NGEF: variants seen among roughly 807,000 people sequenced by gnomAD.
NGEF encodes the protein ephexin-1.
Under a neutral mutation model 80.9 loss-of-function variants are expected in NGEF, and 31 were observed. The ratio of observed to expected loss-of-function variants is 0.38; its 90% CI spans 0.29 to 0.52. NGEF has a LOEUF of 0.52. NGEF is among the 20% of genes least tolerant of loss of function. The pLI is 0.84. For missense variants in NGEF, 709 were observed against 926.2 expected, an observed-to-expected ratio of 0.77 and a Z score of 3.04; for synonymous variants, 371 against 370.2, an observed-to-expected ratio of 1.00 and a Z score of -0.03.
At chr2:232,931,005 G>A (rs527522166) in intron 3 of NGEF, among the ~76,000 whole-genome samples, 3 of 152,310 alleles carry the variant, frequency 2.0e-5, no homozygotes, top group Admixed American at 1.3e-4. Context: ...TTCCAGCTGT[G>A]AATGTGTGAA....
At chr2:232,916,932 C>G (rs1182357974) in intron 5 of NGEF, among the ~76,000 whole-genome samples, 1 of 152,246 alleles carries the variant, frequency 6.6e-6, no homozygotes, top group African/African-American at 2.4e-5. Context: ...ACCCCATACT[C>G]TCTGCTACCC....
In NGEF at chr2:232,892,868, GC is replaced by G. The variant is rs1296360893; in HGVS notation, c.1142+29del. The G allele has an allele frequency of 6.2e-7, 1 of 1,606,388 alleles. No homozygotes were observed. Among genetic ancestry groups the G allele is most frequent in the Non-Finnish European group, 8.5e-7 (1 of 1,175,566 alleles). On this transcript the variant is annotated intron_variant, in intron 7 of 14. Transcript: ENST00000264051. This position sits in a 1 kb window ranked among gnomAD's most constrained non-coding sequence, Gnocchi z 4.0. ...ATGGCTGCCCCGGGCACCTCCCCCT[GC>G]CCCTGAGCCCCTTGCCGGATACACT...
chr2:232,986,669 A>G (rs1694538525), intron 1 of NGEF, among the ~76,000 whole-genome samples: 1 of 152,230 alleles, frequency 6.6e-6, no homozygotes, highest in Non-Finnish European at 1.5e-5. Flanking sequence ...AACTCTTAGA[A>G]GCAGAGAGTA....
intron 3 of NGEF, among the ~76,000 whole-genome samples, chr2:232,968,402 A>ATT (rs1221310898): frequency 1.0e-4 from 15 of 150,394 alleles, no homozygotes; most frequent in African/African-American, 3.7e-4. Context: ...CCTGGCTTTT[A>ATT]TTTTATTTTA....
intron 1 of NGEF, among the ~76,000 whole-genome samples, chr2:232,982,890 G>C (rs899399502): frequency 6.6e-6 from 1 of 152,244 alleles, no homozygotes; most frequent in African/African-American, 2.4e-5. Flanking sequence ...AGGAGACACA[G>C]ATGAAGTTTC....
Position 232,920,555 on chromosome 2 carries a change from G to A in NGEF, c.557C>T (p.Ser186Leu), listed in dbSNP as rs767569783. 1.3e-6 allele frequency: 2 copies of A among 1,537,774 alleles called. No homozygotes were observed. Among genetic ancestry groups the A allele is most frequent in the Non-Finnish European group, 1.8e-6 (2 of 1,140,448 alleles). The change falls in exon 5 of 15, where the codon TCG becomes TTG. Residue 186 changes from serine (S) to leucine (L), a missense_variant. Physicochemically the swap from Ser to Leu is moderately radical, Grantham distance 145. Around this residue, in one of 2 missense-constraint regions of NGEF, gnomAD observed 283 missense variants for 303.4 expected, o/e 0.93. Coordinates refer to ENST00000264051, the MANE Select transcript of NGEF (RefSeq NM_019850.3). ...GLLYQEYRDK[S>L]TLQEIETRRQ... is the part of the protein sequence containing the mutation. The stretch of plus-strand genomic sequence containing the variant: ...CCTGGTTTCGATTTCTTGGAGAGTC[G>A]ATTTATCTCGGTATTCCTGATACAG...
At chr2:233,001,667 T>G (rs1694981347) in intron 1 of NGEF, among the ~76,000 whole-genome samples, 3 of 152,202 alleles carry the variant, frequency 2.0e-5, no homozygotes, top group Admixed American at 2.0e-4. Context: ...GCAGATGTGT[T>G]TTTAAAAACG....
At chr2:232,990,897 T>G (rs1339777322) in intron 1 of NGEF, among the ~76,000 whole-genome samples, 1 of 152,106 alleles carries the variant, frequency 6.6e-6, no homozygotes, top group African/African-American at 2.4e-5. Flanking sequence ...CCAAGTAGAA[T>G]TTATCCCAGG....
intron 3 of NGEF, among the ~76,000 whole-genome samples, chr2:232,940,433 A>G (rs1693414627): frequency 6.6e-6 from 1 of 152,238 alleles, no homozygotes; most frequent in African/African-American, 2.4e-5. Context: ...GGGCAGTCTG[A>G]CAACACATAT....
intron 9 of NGEF, chr2:232,885,650 C>T: frequency 4.5e-6 from 2 of 439,606 alleles, no homozygotes; most frequent in Non-Finnish European, 8.4e-6. Flanking sequence ...AGGCATCCCT[C>T]CTCCTCTGTA....
chr2:232,894,806 C>T lies in NGEF; in HGVS notation c.939G>A (p.Glu313=). 6.2e-7 allele frequency: 1 copy of T among 1,611,466 alleles called. No individual in the cohort carries two copies. The highest frequency in any genetic ancestry group is 1.1e-5 in the South Asian group (1 of 90,988). ...ERIRKILHPS[E]AHILFSNVLD... is the part of the protein sequence containing the mutation. ...GGACGTTGGAGAAGAGGATGTGCGC[C>T]TCGGACGGGTGCAGGATCTTCCTTA... is the stretch of plus-strand genomic sequence containing the variant. The change falls in exon 6 of 15, where the codon GAG becomes GAA. Residue 313 remains glutamate, a synonymous_variant. Transcript: ENST00000264051.
chr2:232,990,844 C>A (rs1037786716), intron 1 of NGEF, among the ~76,000 whole-genome samples: 6 of 151,960 alleles, frequency 3.9e-5, no homozygotes, highest in African/African-American at 1.5e-4. Context: ...AAAATACTAC[C>A]AAACTGAACC....
chr2:232,974,654 G>T lies in NGEF; in HGVS notation c.237C>A (p.Asp79Glu). Residue 79 changes from aspartate to glutamate, a missense_variant, in exon 2 of 15, where the codon GAC (aspartate) becomes GAA (glutamate). By Grantham distance (45) the Asp-to-Glu change is conservative. Transcript: ENST00000264051. Reference sequence around the variant, plus strand: ...GGCAGCTGGCGTTCCGTTCGGGGTTGTCTCTGGCCTTGGCTTTGCTTTTGC... The same window carrying T: ...GGCAGCTGGCGTTCCGTTCGGGGTTTTCTCTGGCCTTGGCTTTGCTTTTGC... Reference protein sequence around the residue: ...IRRKSKAKARDNPERNASCLA... With the variant: ...IRRKSKAKARENPERNASCLA... 1.2e-6 allele frequency: 2 copies of T among 1,614,228 alleles called. No individual in the cohort carries two copies. The highest frequency in any genetic ancestry group is 1.7e-6 in the Non-Finnish European group (2 of 1,180,052).
chr2:232,969,472 T>TCCTTCTTC (rs113106676), intron 3 of NGEF, among the ~76,000 whole-genome samples: 58 of 92,714 alleles, frequency 6.3e-4, no homozygotes, highest in East Asian at 4.3e-3. Context: ...CTTCCTTCCT[T>TCCTTCTTC]CTTCCTTCCT....
rs571120890 is a variant in NGEF, at chr2:232,883,297, G to A, written c.1757+14C>T. 25 of 1,578,862 alleles carry A rather than the reference G, an allele frequency of 1.6e-5. No individual in the cohort carries two copies. Among genetic ancestry groups the A allele is most frequent in the East Asian group, 4.5e-5 (2 of 44,192 alleles). On this transcript the variant is annotated intron_variant, in intron 12 of 14. Coordinates refer to ENST00000264051, the MANE Select transcript of NGEF (RefSeq NM_019850.3). Reference sequence around the variant, plus strand: ...CCACGGGTAGCACTGGGCGTGTGGCGGCGAGGCACTCACTGAGAGGACGCC... The same window carrying A: ...CCACGGGTAGCACTGGGCGTGTGGCAGCGAGGCACTCACTGAGAGGACGCC...
chr2:232,987,651 G>C (rs1006175533), intron 1 of NGEF, among the ~76,000 whole-genome samples: 2 of 152,120 alleles, frequency 1.3e-5, no homozygotes. Flanking sequence ...GAGAGCCTAG[G>C]GTTATGGTGC....
At chr2:232,890,839 A>G (rs75931873) in intron 8 of NGEF, 88 of 462,762 alleles carry the variant, frequency 1.9e-4, no homozygotes, top group Admixed American at 1.8e-3. Context: ...ACAGGACCCA[A>G]TGTCTTCCCT....
intron 3 of NGEF, 60 bp downstream of exon 3, chr2:232,970,154 G>A: frequency 1.1e-6 from 1 of 944,310 alleles, no homozygotes; most frequent in Non-Finnish European, 1.6e-6. Flanking sequence ...AGTCTTTGCA[G>A]CAATGACCTC....
At chr2:232,936,668 G>A (rs1693330580) in intron 3 of NGEF, among the ~76,000 whole-genome samples, 1 of 152,240 alleles carries the variant, frequency 6.6e-6, no homozygotes, top group Non-Finnish European at 1.5e-5. Context: ...TGAGGGGAAG[G>A]TTAGCGCTAT....
Sources: allele counts gnomAD v4.1 joint callset (sites outside exome capture counted in the v4.1 genomes callset), GRCh38; gene constraint gnomAD v4.1.1; regional missense constraint gnomAD v4.1.1; non-coding constraint Gnocchi (gnomAD v3.1); transcripts MANE v1.5; gene names NCBI Gene and HGNC (gene_info 2026-07-23, HGNC 2026-07-21).